Variants in SGMS2 observed in about 807,000 individuals in gnomAD.
SGMS2 encodes phosphatidylcholine:ceramide cholinephosphotransferase 2.
In SGMS2, 21 loss-of-function variants were observed where a neutral mutation model predicts 43.8. The ratio of observed to expected loss-of-function variants is 0.48; its 90% confidence interval spans 0.34 to 0.69. The LOEUF (loss-of-function observed/expected upper bound fraction) is 0.69, where lower values mean the gene tolerates loss of function less well. Among genes scored for constraint, SGMS2 ranks in the 30% least tolerant of loss-of-function variants. The pLI is 0.01. For missense variants in SGMS2, 384 were observed against 443.2 expected, an observed-to-expected ratio of 0.87 and a Z score of 1.20; for synonymous variants, 167 against 160.6, an observed-to-expected ratio of 1.04 and a Z score of -0.30.
intron 2 of SGMS2, among the ~76,000 whole-genome samples, chr4:107,871,952 A>C (rs1039999330): frequency 3.3e-5 from 5 of 152,184 alleles, no homozygotes; most frequent in African/African-American, 7.2e-5. Context: ...AAAAAACAGC[A>C]CTGGGATGAT....
intron 1 of SGMS2, among the ~76,000 whole-genome samples, chr4:107,843,168 G>T (rs1019154983): frequency 8.4e-5 from 12 of 143,058 alleles, no homozygotes; most frequent in South Asian, 2.2e-4. Flanking sequence ...AGACTCACTG[G>T]TTTTTTTTTT....
chr4:107,852,176 C>T (rs1313643303), intron 1 of SGMS2, among the ~76,000 whole-genome samples: 2 of 151,488 alleles, frequency 1.3e-5, no homozygotes, highest in African/African-American at 4.9e-5. Context: ...TCACTGCATT[C>T]TCCTGCCTCA....
At chr4:107,857,878 A>G (rs1026168811) in intron 1 of SGMS2, among the ~76,000 whole-genome samples, 5 of 152,028 alleles carry the variant, frequency 3.3e-5, no homozygotes, top group African/African-American at 9.7e-5. Flanking sequence ...TCCCTTCTCT[A>G]TGCCTAGTTC....
chr4:107,904,441 G>A (rs1731378412), intron 5 of SGMS2, among the ~76,000 whole-genome samples: 2 of 152,292 alleles, frequency 1.3e-5, no homozygotes, highest in South Asian at 2.1e-4. Context: ...CTTCAGTGGT[G>A]CAGAAGTGAA....
chr4:107,903,360 C>T lies in SGMS2; in HGVS notation c.701C>T (p.Thr234Ile). Residue 234 changes from threonine to isoleucine, a missense_variant, in exon 5 of 7, where the codon ACA becomes ATA. By Grantham distance (89) the Thr-to-Ile change is moderately conservative. Coordinates refer to ENST00000690982, the MANE Select transcript of SGMS2 (RefSeq NM_001375905.1). Reference protein sequence around the residue: ...FLFSGHTVTLTLTYLFIKEYS... With the variant: ...FLFSGHTVTLILTYLFIKEYS... ...TTCAGCGGTCACACGGTTACGCTGA[C>T]ACTGACTTATTTGTTCATCAAAGAA... 1.9e-6 allele frequency: 3 copies of T among 1,613,904 alleles called. No homozygotes were observed. Among genetic ancestry groups the T allele is most frequent in the South Asian group, 1.1e-5 (1 of 91,084 alleles).
chr4:107,852,179 C>T lies in SGMS2; in HGVS notation c.-326-6293C>T, dbSNP rs566105755. Among the ~76,000 whole-genome samples, 4 of 152,000 alleles carry T rather than the reference C, an allele frequency of 2.6e-5. 1 individual carries two copies. The East Asian group carries it at 7.8e-4, about 29-fold the overall frequency. Reference sequence around the variant, plus strand: ...CGCCTCCTGAGTTCACTGCATTCTCCTGCCTCAGCCTCCCGAGTAGCTGGG... The same window carrying T: ...CGCCTCCTGAGTTCACTGCATTCTCTTGCCTCAGCCTCCCGAGTAGCTGGG... On this transcript the variant is annotated intron_variant, in intron 1 of 6. Coordinates refer to ENST00000690982, the MANE Select transcript of SGMS2 (RefSeq NM_001375905.1).
At chr4:107,908,017 A>G (rs1731736075) in intron 5 of SGMS2, 1 of 152,974 alleles carries the variant, frequency 6.5e-6, no homozygotes, top group Non-Finnish European at 1.5e-5. Context: ...TATTGGCAAT[A>G]ACAGTGTAAA....
intron 1 of SGMS2, among the ~76,000 whole-genome samples, chr4:107,842,584 A>G (rs1726583606): frequency 6.6e-6 from 1 of 152,222 alleles, no homozygotes; most frequent in East Asian, 1.9e-4. Context: ...CATTTAGATC[A>G]AATTAGTTCT....
chr4:107,910,404 A>G lies in SGMS2; in HGVS notation c.949A>G (p.Ile317Val). The change falls in exon 7 of 7, where the codon ATC becomes GTC. Residue 317 changes from isoleucine to valine, a missense_variant. By Grantham distance (29) the Ile-to-Val change is conservative. Coordinates refer to ENST00000690982, the MANE Select transcript of SGMS2 (RefSeq NM_001375905.1). ...NFLSRAWWFP[I>V]FYFFEKNVQG... ...CTTATCTCGAGCATGGTGGTTCCCC[A>G]TCTTTTATTTTTTTGAGAAAAATGT... is the stretch of plus-strand genomic sequence containing the variant. The G allele has an allele frequency of 1.2e-6, 2 of 1,614,102 alleles. No homozygotes were observed. Among genetic ancestry groups the G allele is most frequent in the Non-Finnish European group, 1.7e-6 (2 of 1,180,000 alleles).
At chr4:107,879,411 T>A (rs944419829) in intron 2 of SGMS2, among the ~76,000 whole-genome samples, 2 of 151,738 alleles carry the variant, frequency 1.3e-5, no homozygotes, top group Non-Finnish European at 2.9e-5. Context: ...AATAAGAGAG[T>A]ATGGGATGTT....
chr4:107,874,962 A>G (rs1303710015), intron 2 of SGMS2, among the ~76,000 whole-genome samples: 1 of 152,200 alleles, frequency 6.6e-6, no homozygotes, highest in Admixed American at 6.5e-5. Context: ...TCTGAAGCCT[A>G]TGATTGGAAG....
At chr4:107,844,545 T>C (rs1341787921) in intron 1 of SGMS2, among the ~76,000 whole-genome samples, 1 of 151,412 alleles carries the variant, frequency 6.6e-6, no homozygotes, top group Non-Finnish European at 1.5e-5. Context: ...GTACAAAAAA[T>C]AAAAATAAAA....
chr4:107,861,254 T>C (rs1727715901), intron 2 of SGMS2, among the ~76,000 whole-genome samples: 1 of 152,236 alleles, frequency 6.6e-6, no homozygotes, highest in African/African-American at 2.4e-5. Context: ...ACAAACATTC[T>C]TCTTTTATGT....
intron 3 of SGMS2, among the ~76,000 whole-genome samples, chr4:107,899,296 C>G (rs1055102974): frequency 3.3e-5 from 5 of 152,042 alleles, no homozygotes; most frequent in Admixed American, 6.6e-5. Flanking sequence ...TACTTTAGTT[C>G]CCCCACCCCA....
intron 2 of SGMS2, among the ~76,000 whole-genome samples, chr4:107,878,406 ACAC>A (rs1729091578): frequency 6.6e-6 from 1 of 152,176 alleles, no homozygotes; most frequent in Non-Finnish European, 1.5e-5. Flanking sequence ...CCCCACTCTC[ACAC>A]CTTAACTTTG....
At chr4:107,882,138 G>A (rs1436045968) in intron 2 of SGMS2, among the ~76,000 whole-genome samples, 1 of 152,186 alleles carries the variant, frequency 6.6e-6, no homozygotes, top group Admixed American at 6.6e-5. Flanking sequence ...CAGTGGGATA[G>A]CTGGATCATA....
chr4:107,829,535 A>G (rs564947180), intron 1 of SGMS2, among the ~76,000 whole-genome samples: 17 of 152,324 alleles, frequency 1.1e-4, no homozygotes, highest in African/African-American at 4.1e-4. Context: ...AAATCAGATA[A>G]TGAGTTATTT....
At chr4:107,904,298 A>AG in intron 5 of SGMS2, among the ~76,000 whole-genome samples, 1 of 152,202 alleles carries the variant, frequency 6.6e-6, no homozygotes. Context: ...CATATTTAAA[A>AG]GGGGGTCTTT....
intron 2 of SGMS2, among the ~76,000 whole-genome samples, chr4:107,870,879 G>A (rs1229162717): frequency 6.6e-6 from 1 of 152,058 alleles, no homozygotes; most frequent in Non-Finnish European, 1.5e-5. Flanking sequence ...TTATAGGCAA[G>A]CACTTTTATT....
Sources: allele counts gnomAD v4.1 joint callset (sites outside exome capture counted in the v4.1 genomes callset), GRCh38; gene constraint gnomAD v4.1.1; transcripts MANE v1.5; gene names NCBI Gene and HGNC (gene_info 2026-07-23, HGNC 2026-07-21).